RFTN1: variants seen among roughly 807,000 people sequenced by gnomAD.
The protein encoded by RFTN1 is raftlin, lipid raft linker 1, also known as raftlin.
Under a neutral mutation model 46.5 loss-of-function variants are expected in RFTN1, and 26 were observed. That is an observed-to-expected ratio of 0.56 (90% CI 0.41 to 0.78). The LOEUF (loss-of-function observed/expected upper bound fraction) is 0.78, where lower values mean the gene tolerates loss of function less well. Ranked by LOEUF, RFTN1 falls within the 30% of genes least tolerant of loss-of-function variation. The pLI, the probability that RFTN1 is intolerant of heterozygous loss-of-function variation, is 0.00. For missense variants in RFTN1, 693 were observed against 718.7 expected (o/e 0.96, Z 0.41); for synonymous variants, 261 against 284.2 (o/e 0.92, Z 0.82).
In RFTN1 at chr3:16,440,561, C is replaced by G. The variant is rs949544231; in HGVS notation, c.146-6524G>C. Among the ~76,000 whole-genome samples, 2 of 152,026 alleles carry G rather than the reference C, an allele frequency of 1.3e-5. No homozygotes were observed. The highest frequency in any genetic ancestry group is 2.9e-5 in the Non-Finnish European group (2 of 68,018). Reference sequence around the variant, plus strand: ...ACTGGACAGAGGGCTTGGTGCAGATCCCAAAGCCATTAACAGAGGTATCTG... The same window carrying G: ...ACTGGACAGAGGGCTTGGTGCAGATGCCAAAGCCATTAACAGAGGTATCTG... On this transcript the variant is annotated intron_variant, in intron 2 of 9. Coordinates refer to ENST00000334133, the MANE Select transcript of RFTN1 (RefSeq NM_015150.2). The surrounding 1 kb of genome is among the most constrained non-coding windows in gnomAD (Gnocchi z 4.6).
intron 2 of RFTN1, chr3:16,482,866 G>C (rs906217275): frequency 6.5e-7 from 1 of 1,531,456 alleles, no homozygotes; most frequent in Admixed American, 2.0e-5. Context: ...ACTGTACGAG[G>C]AGGAGCCTCC....
At position 16,506,663 on chromosome 3, in the gene RFTN1, T is replaced by C. The variant is rs1381066763; in HGVS notation, c.-9+6779A>G. ...GGTAGAAGAAGCCAGGAGTTAGCCATGTTAACTCCACCCAAGCAGAGGTAT... is the reference window on the plus strand; with the variant it reads ...GGTAGAAGAAGCCAGGAGTTAGCCACGTTAACTCCACCCAAGCAGAGGTAT... On this transcript the variant is annotated intron_variant, in intron 1 of 9. Coordinates refer to ENST00000334133, the MANE Select transcript of RFTN1 (RefSeq NM_015150.2). The surrounding 1 kb of genome is among the most constrained non-coding windows in gnomAD (Gnocchi z 4.8). 8.6e-5 allele frequency among the ~76,000 whole-genome samples: 13 copies of C among 151,790 alleles called. No homozygotes were observed. Among genetic ancestry groups the C allele is most frequent in the Admixed American group, 8.5e-4 (13 of 15,246 alleles).
At chr3:16,378,319 T>C (rs1376015801) in intron 4 of RFTN1, among the ~76,000 whole-genome samples, 1 of 152,254 alleles carries the variant, frequency 6.6e-6, no homozygotes, top group Non-Finnish European at 1.5e-5. Context: ...CTATATTGTC[T>C]GATGGAAAGA....
chr3:16,365,455 TTTTA>T (rs1393655469), intron 6 of RFTN1, among the ~76,000 whole-genome samples: 1 of 152,184 alleles, frequency 6.6e-6, no homozygotes, highest in African/African-American at 2.4e-5. Context: ...TTAATATATA[TTTTA>T]TTTAAAACAT....
intron 4 of RFTN1, among the ~76,000 whole-genome samples, chr3:16,392,936 C>A (rs2074384735): frequency 6.6e-6 from 1 of 152,118 alleles, no homozygotes; most frequent in African/African-American, 2.4e-5. Context: ...CATCACTGTT[C>A]ACAGCATCTG....
At chr3:16,416,081 C>A in intron 3 of RFTN1, 1 of 292,722 alleles carries the variant, frequency 3.4e-6, no homozygotes, top group Non-Finnish European at 7.0e-6. Context: ...AGAGCTCTGA[C>A]CCATCTTACA....
chr3:16,364,836 A>C (rs1411118492), intron 6 of RFTN1, among the ~76,000 whole-genome samples: 1 of 152,236 alleles, frequency 6.6e-6, no homozygotes, highest in Non-Finnish European at 1.5e-5. Context: ...AAACTCATCA[A>C]CAGTGTTTCA....
In RFTN1 at chr3:16,344,592, C is replaced by T. The variant is rs1006379520; in HGVS notation, c.1146+13340G>A. ...GGCCACCCAAGGTATTCTGTGGCCT[C>T]CCAGAATCAGGTCTCTTCAGGTCCA... On this transcript the variant is annotated intron_variant, in intron 7 of 9. Coordinates refer to ENST00000334133, the MANE Select transcript of RFTN1 (RefSeq NM_015150.2). The surrounding 1 kb of genome is among the most constrained non-coding windows in gnomAD (Gnocchi z 4.4). Among the ~76,000 whole-genome samples the T allele has an allele frequency of 6.6e-6, 1 of 152,058 alleles. No homozygotes were observed. The highest frequency in any genetic ancestry group is 1.5e-5 in the Non-Finnish European group (1 of 68,028).
intron 2 of RFTN1, among the ~76,000 whole-genome samples, chr3:16,434,408 C>CAAA (rs752211010): frequency 0.14 from 20,346 of 149,946 alleles, 1,572 homozygotes; most frequent in East Asian, 0.22. Context: ...ACAAAAAAAC[C>CAAA]CCCTCAAAAT....
chr3:16,486,835 G>T (rs1362118188), intron 2 of RFTN1, among the ~76,000 whole-genome samples: 4 of 152,220 alleles, frequency 2.6e-5, no homozygotes, highest in African/African-American at 9.6e-5. Flanking sequence ...GACTACATTT[G>T]GAGTAAGAAA....
chr3:16,356,391 G>C lies in RFTN1; in HGVS notation c.1146+1541C>G, dbSNP rs557355586. 9.9e-5 allele frequency among the ~76,000 whole-genome samples: 15 copies of C among 152,278 alleles called. No individual in the cohort carries two copies. The highest frequency in any genetic ancestry group is 3.4e-4 in the African/African-American group (14 of 41,548). On this transcript the variant is annotated intron_variant, in intron 7 of 9. Coordinates refer to ENST00000334133, the MANE Select transcript of RFTN1 (RefSeq NM_015150.2). This position sits in a 1 kb window ranked among gnomAD's most constrained non-coding sequence, Gnocchi z 4.9. ...TACGCTAACCAGCCCCGGATGCTGT[G>C]ACTTTCCAACTCCTGCTTCTGACGA...
At chr3:16,453,428 A>G (rs1481029119) in intron 2 of RFTN1, among the ~76,000 whole-genome samples, 2 of 152,246 alleles carry the variant, frequency 1.3e-5, no homozygotes, top group Non-Finnish European at 2.9e-5. Flanking sequence ...TAGCAAGATC[A>G]GAACAAAATG....
intron 4 of RFTN1, among the ~76,000 whole-genome samples, chr3:16,403,485 A>G (rs2074656663): frequency 7.0e-6 from 1 of 143,806 alleles, no homozygotes; most frequent in Admixed American, 7.7e-5. Context: ...GCAGAGTAAA[A>G]TCTTATTTTA....
In RFTN1 at chr3:16,381,672, T is replaced by C. The variant is rs1436116249; in HGVS notation, c.442-3570A>G. Among the ~76,000 whole-genome samples, 2 of 152,046 alleles carry C rather than the reference T, an allele frequency of 1.3e-5. No homozygotes were observed. Among genetic ancestry groups the C allele is most frequent in the East Asian group, 3.9e-4 (2 of 5,194 alleles). On this transcript the variant is annotated intron_variant, in intron 4 of 9. Transcript: ENST00000334133. The surrounding 1 kb of genome is among the most constrained non-coding windows in gnomAD (Gnocchi z 4.2). ...TAAAGGAAAAGGAGAGGGCAATCCA[T>C]GTAAAGGCAAGGAAGGATCATGATG...
chr3:16,498,262 A>C lies in RFTN1; in HGVS notation c.-8-4385T>G, dbSNP rs2125000198. Among the ~76,000 whole-genome samples, 1 of 152,366 alleles carries C rather than the reference A, an allele frequency of 6.6e-6. No individual in the cohort carries two copies. The highest frequency in any genetic ancestry group is 1.9e-4 in the East Asian group (1 of 5,190). On this transcript the variant is annotated intron_variant, in intron 1 of 9. Coordinates refer to ENST00000334133, the MANE Select transcript of RFTN1 (RefSeq NM_015150.2). This position sits in a 1 kb window ranked among gnomAD's most constrained non-coding sequence, Gnocchi z 5.2. ...CCTAACTTAGGATGTAAACTTCTGT[A>C]ACAAATAGCTGAGTCTTAGCCAATC...
At position 16,384,046 on chromosome 3, in the gene RFTN1, A is replaced by G. The variant is rs894753510; in HGVS notation, c.442-5944T>C. 6.6e-6 allele frequency among the ~76,000 whole-genome samples: 1 copy of G among 152,214 alleles called. No individual in the cohort carries two copies. Among genetic ancestry groups the G allele is most frequent in the African/African-American group, 2.4e-5 (1 of 41,456 alleles). On this transcript the variant is annotated intron_variant, in intron 4 of 9. Transcript: ENST00000334133. This position sits in a 1 kb window ranked among gnomAD's most constrained non-coding sequence, Gnocchi z 4.7. ...GACTTTCGGTAAAGTGGATTCCTCC[A>G]TTATTAGGTGGGTCTCATCTAATCA...
chr3:16,452,405 C>T lies in RFTN1; in HGVS notation c.146-18368G>A, dbSNP rs945758959. Among the ~76,000 whole-genome samples, 1 of 152,176 alleles carries T rather than the reference C, an allele frequency of 6.6e-6. No individual in the cohort carries two copies. Among genetic ancestry groups the T allele is most frequent in the African/African-American group, 2.4e-5 (1 of 41,438 alleles). On this transcript the variant is annotated intron_variant, in intron 2 of 9. Transcript: ENST00000334133. This position sits in a 1 kb window ranked among gnomAD's most constrained non-coding sequence, Gnocchi z 6.3. ...CATCTAAAGTCTCCCTCCATCTTCA[C>T]AATGTTGATTGAAATGCTTAGCTAC... is the stretch of plus-strand genomic sequence containing the variant.
At position 16,361,601 on chromosome 3, in the gene RFTN1, G is replaced by C. The variant is rs1023679893; in HGVS notation, c.1031-3554C>G. Among the ~76,000 whole-genome samples, 6 of 152,172 alleles carry C rather than the reference G, an allele frequency of 3.9e-5. No homozygotes were observed. The highest frequency in any genetic ancestry group is 8.8e-5 in the Non-Finnish European group (6 of 68,034). ...GAGTTCCAGGAGGAAGGGACAGCCA[G>C]CCTGACATGCAGAGTGAACGAAGGA... On this transcript the variant is annotated intron_variant, in intron 6 of 9. Coordinates refer to ENST00000334133, the MANE Select transcript of RFTN1 (RefSeq NM_015150.2). The surrounding 1 kb of genome is among the most constrained non-coding windows in gnomAD (Gnocchi z 4.3).
chr3:16,439,365 C>T (rs971914308), intron 2 of RFTN1, among the ~76,000 whole-genome samples: 20 of 152,166 alleles, frequency 1.3e-4, no homozygotes, highest in African/African-American at 3.9e-4. Flanking sequence ...TCAGAGTAAC[C>T]TCTCCACTAT....
Sources: gnomAD v4.1 joint callset for allele counts (sites outside exome capture counted in the v4.1 genomes callset) on GRCh38, gnomAD v4.1.1 for gene constraint, Gnocchi (gnomAD v3.1) non-coding constraint, MANE v1.5 for transcripts, NCBI Gene and HGNC (gene_info 2026-07-23, HGNC 2026-07-21) for gene names.